Variants in CCR5AS observed in about 807,000 individuals in gnomAD.
CCR5AS encodes the protein CCR5 antisense RNA.
intron 3 of CCR5AS, among the ~76,000 whole-genome samples, chr3:46,366,122 G>A (rs1411819148): frequency 6.6e-6 from 1 of 152,208 alleles, no homozygotes; most frequent in Non-Finnish European, 1.5e-5. Context: ...AGACTGGAGT[G>A]AGAGGAGTTG....
rs867146900 is a variant in CCR5AS, at chr3:46,389,692, A to G, written n.391+3133T>C. On this transcript the variant is annotated intron_variant and non_coding_transcript_variant, in intron 2 of 3. Coordinates refer to ENST00000451485, the Ensembl canonical transcript of CCR5AS. ...TGAGAGAGTGAAAGGAAGAATGGGG[A>G]AAAGACTTATGGTCTATGGGATTAG... Among the ~76,000 whole-genome samples, 3 of 152,276 alleles carry G rather than the reference A, an allele frequency of 2.0e-5. No homozygotes were observed. The South Asian group carries it at 6.2e-4, about 32-fold the overall frequency.
chr3:46,374,069 G>A, intron 2 of CCR5AS: 2 of 720,142 alleles, frequency 2.8e-6, no homozygotes, highest in Non-Finnish European at 4.6e-6. Flanking sequence ...TTAAAAGGAA[G>A]TTACTGTTAT....
intron 2 of CCR5AS, among the ~76,000 whole-genome samples, chr3:46,388,514 A>G (rs772212472): frequency 5.3e-5 from 8 of 152,234 alleles, no homozygotes; most frequent in Non-Finnish European, 8.8e-5. Context: ...AAGGGGGTTC[A>G]GCATAATTAT....
intron 2 of CCR5AS, among the ~76,000 whole-genome samples, chr3:46,389,172 A>G (rs139468513): frequency 1.5e-4 from 23 of 152,314 alleles, no homozygotes; most frequent in African/African-American, 5.1e-4. Context: ...GAAGAGATGT[A>G]TTAGGCTCAT....
Position 46,379,897 on chromosome 3 carries a change from AAAATAAATAAAT to A in CCR5AS, n.392-8492_392-8481del, listed in dbSNP as rs60485134. ...GGGTGACAGAGTGAGACTCTGTCTC[AAAATAAATAAAT>A]AAATAAATAAATAAATAAATAAATA... On this transcript the variant is annotated intron_variant and non_coding_transcript_variant, in intron 2 of 3. Transcript: ENST00000451485. Among the ~76,000 whole-genome samples, 126 of 146,482 alleles carry A rather than the reference AAAATAAATAAAT, an allele frequency of 8.6e-4. 1 individual carries two copies. The highest frequency in any genetic ancestry group is 3.4e-3 in the Middle Eastern group (1 of 292).
intron 2 of CCR5AS, among the ~76,000 whole-genome samples, chr3:46,383,700 G>A (rs1387864777): frequency 1.3e-5 from 2 of 152,148 alleles, no homozygotes; most frequent in African/African-American, 4.8e-5. Flanking sequence ...AAACTGGGCA[G>A]AGCTTCTGTC....
At chr3:46,382,133 A>G (rs1373193429) in intron 2 of CCR5AS, among the ~76,000 whole-genome samples, 1 of 152,254 alleles carries the variant, frequency 6.6e-6, no homozygotes, top group African/African-American at 2.4e-5. Flanking sequence ...GGAAAAGGCT[A>G]TCTGGGGGCC....
rs903906742 is a variant in CCR5AS, at chr3:46,371,452, C to T, written n.392-35G>A. On this transcript the variant is annotated intron_variant and non_coding_transcript_variant, in intron 2 of 3. Transcript: ENST00000451485. ...GTCAAAATTAATATTAAATTACAAA[C>T]GCCAAATAAAATTTTCCTCTAATAT... 12 of 152,138 alleles carry T rather than the reference C, an allele frequency of 7.9e-5. No individual in the cohort carries two copies. The South Asian group carries it at 1.2e-3, about 16-fold the overall frequency. The allele number at this position is 152,138 out of a possible 1,614,324, so 9.4% of individuals were successfully genotyped here.
chr3:46,397,836 G>A (rs1305524601), intron 1 of CCR5AS, among the ~76,000 whole-genome samples: 1 of 152,174 alleles, frequency 6.6e-6, no homozygotes, highest in East Asian at 1.9e-4. Flanking sequence ...GATGAATAAA[G>A]GAACCACATT....
intron 2 of CCR5AS, among the ~76,000 whole-genome samples, chr3:46,383,945 G>A (rs1025806587): frequency 6.6e-6 from 1 of 152,188 alleles, no homozygotes; most frequent in Non-Finnish European, 1.5e-5. Flanking sequence ...GGCAAAGTTT[G>A]AAAAGTACTG....
At chr3:46,372,856 G>A (rs1329909342) in intron 2 of CCR5AS, 1 of 1,451,566 alleles carries the variant, frequency 6.9e-7, no homozygotes, top group Admixed American at 2.1e-5. Context: ...ATACATTCTA[G>A]GACTTTATAA....
chr3:46,404,050 A>G (rs1004808796), intron 1 of CCR5AS, among the ~76,000 whole-genome samples: 32 of 152,210 alleles, frequency 2.1e-4, no homozygotes, highest in African/African-American at 7.7e-4. Context: ...CAGAAGAGTG[A>G]ATGAAGAGCT....
chr3:46,405,083 T>G (rs549710737), intron 1 of CCR5AS, among the ~76,000 whole-genome samples: 61 of 152,336 alleles, frequency 4.0e-4, no homozygotes, highest in African/African-American at 1.4e-3. Flanking sequence ...ATGAGAATAA[T>G]AAAGAGAACT....
chr3:46,393,566 C>G (rs1207748678), intron 1 of CCR5AS, among the ~76,000 whole-genome samples: 1 of 151,122 alleles, frequency 6.6e-6, no homozygotes, highest in African/African-American at 2.4e-5. Flanking sequence ...GTCACTAATT[C>G]AAGGGAATTG....
At chr3:46,376,088 C>G (rs1701754334) in intron 2 of CCR5AS, 1 of 167,044 alleles carries the variant, frequency 6.0e-6, no homozygotes, top group Non-Finnish European at 1.5e-5. Context: ...AGGACCCTAC[C>G]CTCTGGGCCA....
chr3:46,366,663 G>A (rs1013935237), intron 3 of CCR5AS, among the ~76,000 whole-genome samples: 20 of 152,334 alleles, frequency 1.3e-4, no homozygotes, highest in Admixed American at 1.3e-3. Context: ...ACAGAGGCAG[G>A]GATGGAGACA....
chr3:46,399,748 G>A (rs1181923440), intron 1 of CCR5AS, among the ~76,000 whole-genome samples: 1 of 152,116 alleles, frequency 6.6e-6, no homozygotes, highest in Admixed American at 6.5e-5. Context: ...GGCCTGAGGA[G>A]TTGAGGAGTT....
intron 1 of CCR5AS, among the ~76,000 whole-genome samples, chr3:46,405,936 C>A (rs1451379207): frequency 5.3e-5 from 8 of 151,530 alleles, no homozygotes; most frequent in Non-Finnish European, 1.0e-4. Context: ...TGCAGAGTGG[C>A]ATGATCATGG....
At chr3:46,385,530 C>T (rs1263359035) in intron 2 of CCR5AS, among the ~76,000 whole-genome samples, 1 of 152,122 alleles carries the variant, frequency 6.6e-6, no homozygotes, top group Non-Finnish European at 1.5e-5. Context: ...CCCACCAGGG[C>T]CATTCCATTT....
Sources: gnomAD v4.1 joint callset for allele counts (sites outside exome capture counted in the v4.1 genomes callset) on GRCh38, gnomAD v4.1.1 for gene constraint, MANE v1.5 for transcripts, NCBI Gene and HGNC (gene_info 2026-07-23, HGNC 2026-07-21) for gene names.